HAO1: variants seen among roughly 807,000 people sequenced by gnomAD.
The protein encoded by HAO1 is 2-Hydroxyacid oxidase 1.
In HAO1, 34 loss-of-function variants were observed where a neutral mutation model predicts 39.7. That is an observed-to-expected ratio of 0.86 (90% confidence interval 0.65 to 1.14). The LOEUF (loss-of-function observed/expected upper bound fraction) is 1.14, where lower values mean the gene tolerates loss of function less well. HAO1 is among the 50% of genes most tolerant of loss of function. The probability of loss-of-function intolerance (pLI) is 0.00; values close to 1 mark genes in which losing one functional copy is unlikely to be tolerated. For missense variants in HAO1, 479 were observed against 464.5 expected (o/e 1.03, Z -0.29); for synonymous variants, 172 against 173.2 (o/e 0.99, Z 0.05).
At chr20:7,925,150 A>G (rs1319449767) in intron 2 of HAO1, among the ~76,000 whole-genome samples, 1 of 152,178 alleles carries the variant, frequency 6.6e-6, no homozygotes, top group Admixed American at 6.6e-5. Context: ...ATTAACCAGA[A>G]AAATAAAGTT....
chr20:7,917,649 G>A (rs2423330), intron 2 of HAO1, among the ~76,000 whole-genome samples: 67,831 of 151,924 alleles, frequency 0.45, 16,948 homozygotes, highest in East Asian at 0.99. Context: ...GCAGAGTGTG[G>A]ATGCACAAAG....
chr20:7,933,316 T>C (rs1313410000), intron 2 of HAO1, among the ~76,000 whole-genome samples: 1 of 152,200 alleles, frequency 6.6e-6, no homozygotes, highest in African/African-American at 2.4e-5. Flanking sequence ...TTAAGAGCAC[T>C]AAAGTTTTAG....
intron 3 of HAO1, among the ~76,000 whole-genome samples, chr20:7,912,366 A>G (rs1027303907): frequency 2.0e-5 from 3 of 152,140 alleles, no homozygotes; most frequent in Admixed American, 6.6e-5. Context: ...TGTGAAACAT[A>G]TTTTGGTATC....
chr20:7,887,127 T>C (rs2050154707), intron 5 of HAO1, among the ~76,000 whole-genome samples: 1 of 152,188 alleles, frequency 6.6e-6, no homozygotes, highest in Admixed American at 6.6e-5. Flanking sequence ...TAATGTCATA[T>C]GGCAGTAGCT....
At chr20:7,912,621 A>G (rs1384214622) in intron 3 of HAO1, among the ~76,000 whole-genome samples, 5 of 152,072 alleles carry the variant, frequency 3.3e-5, no homozygotes, top group Non-Finnish European at 5.9e-5. Flanking sequence ...AATAATGTAA[A>G]TACGGGATTC....
intron 1 of HAO1, among the ~76,000 whole-genome samples, 177 bp downstream of exon 1, chr20:7,940,109 T>C (rs1403638895): frequency 6.6e-6 from 1 of 152,212 alleles, no homozygotes; most frequent in Non-Finnish European, 1.5e-5. Flanking sequence ...AGGCTTGGAA[T>C]ATTTTTTAAC....
At chr20:7,906,427 G>T (rs547717632) in intron 3 of HAO1, 98 bp from the exon 4 acceptor site, 43 of 696,474 alleles carry the variant, frequency 6.2e-5, no homozygotes, top group African/African-American at 6.1e-4. Flanking sequence ...CAAATCAATT[G>T]GCTGTTCACT....
intron 5 of HAO1, among the ~76,000 whole-genome samples, chr20:7,888,449 T>A (rs2050159963): frequency 1.3e-5 from 2 of 152,014 alleles, no homozygotes; most frequent in Non-Finnish European, 2.9e-5. Context: ...ACATTTTAGG[T>A]ATGGAAACCT....
intron 2 of HAO1, among the ~76,000 whole-genome samples, chr20:7,914,934 C>G (rs991869324): frequency 6.6e-6 from 1 of 152,066 alleles, no homozygotes; most frequent in Admixed American, 6.5e-5. Context: ...GCCTGACCAA[C>G]GTGGTGAAAC....
intron 1 of HAO1, among the ~76,000 whole-genome samples, chr20:7,939,445 C>T (rs966067593): frequency 6.6e-6 from 1 of 152,118 alleles, no homozygotes; most frequent in African/African-American, 2.4e-5. Context: ...AAGGCTAATT[C>T]TCTCCCCCTG....
chr20:7,920,537 G>A (rs1028843553), intron 2 of HAO1, among the ~76,000 whole-genome samples: 1 of 152,122 alleles, frequency 6.6e-6, no homozygotes, highest in Non-Finnish European at 1.5e-5. Flanking sequence ...CAGTCGCACT[G>A]AAACTTTGTA....
At chr20:7,927,400 T>C (rs2050364441) in intron 2 of HAO1, among the ~76,000 whole-genome samples, 1 of 152,152 alleles carries the variant, frequency 6.6e-6, no homozygotes, top group Non-Finnish European at 1.5e-5. Flanking sequence ...ATAAAAATGA[T>C]CTGCTAGAGT....
chr20:7,931,165 T>G (rs1015836387), intron 2 of HAO1, among the ~76,000 whole-genome samples: 4 of 152,182 alleles, frequency 2.6e-5, no homozygotes, highest in Admixed American at 2.6e-4. Context: ...CCTATGTTTT[T>G]GAGGGCAACA....
intron 7 of HAO1, 98 bp from the exon 8 acceptor site, chr20:7,883,761 GT>G: frequency 9.6e-7 from 1 of 1,043,562 alleles, no homozygotes; most frequent in Non-Finnish European, 1.5e-6. Flanking sequence ...CAAATGTAAG[GT>G]TTATGATTCA....
At chr20:7,922,064 T>C (rs1479662470) in intron 2 of HAO1, among the ~76,000 whole-genome samples, 1 of 152,058 alleles carries the variant, frequency 6.6e-6, no homozygotes, top group African/African-American at 2.4e-5. Context: ...TCATGCAATA[T>C]ACCTTTGTAA....
At chr20:7,939,406 G>A (rs1363511037) in intron 1 of HAO1, among the ~76,000 whole-genome samples, 4 of 152,104 alleles carry the variant, frequency 2.6e-5, no homozygotes, top group Non-Finnish European at 5.9e-5. Context: ...GAGTGATTTT[G>A]TTGTAGACTA....
chr20:7,939,507 C>T (rs1333637650), intron 1 of HAO1, among the ~76,000 whole-genome samples: 2 of 152,012 alleles, frequency 1.3e-5, no homozygotes, highest in East Asian at 1.9e-4. Context: ...CCCACAATAC[C>T]GATTGCCTTT....
intron 4 of HAO1, among the ~76,000 whole-genome samples, chr20:7,903,326 G>C (rs1227198672): frequency 1.3e-5 from 2 of 148,660 alleles, no homozygotes; most frequent in Non-Finnish European, 3.0e-5. Flanking sequence ...TAATTAGATA[G>C]ACTTATAGTT....
intron 4 of HAO1, among the ~76,000 whole-genome samples, chr20:7,904,523 A>C (rs1420143299): frequency 6.6e-6 from 1 of 152,212 alleles, no homozygotes; most frequent in Non-Finnish European, 1.5e-5. Context: ...TTGGCTTGAT[A>C]TCATGGCAAA....
Sources: allele counts gnomAD v4.1 joint callset (sites outside exome capture counted in the v4.1 genomes callset), GRCh38; gene constraint gnomAD v4.1.1; transcripts MANE v1.5; gene names NCBI Gene and HGNC (gene_info 2026-07-23, HGNC 2026-07-21).